The following MMP16 variants were observed in gnomAD, a reference collection of about 807,000 sequenced individuals.
The protein encoded by MMP16 is matrix metalloproteinase-16.
In MMP16, 12 loss-of-function variants were observed where a neutral mutation model predicts 67.8. The ratio of observed to expected loss-of-function variants is 0.18; its 90% CI spans 0.11 to 0.29. The LOEUF (loss-of-function observed/expected upper bound fraction) is 0.29, where lower values mean the gene tolerates loss of function less well. MMP16 is among the 10% of genes least tolerant of loss of function. The pLI, the probability that MMP16 is intolerant of heterozygous loss-of-function variation, is 1.00. For synonymous variants in MMP16, 249 were observed against 255.9 expected (o/e 0.97, Z 0.26); for missense variants, 475 against 765.7 (o/e 0.62, Z 4.48).
intron 2 of MMP16, among the ~76,000 whole-genome samples, chr8:88,189,930 G>A (rs986713407): frequency 8.5e-5 from 13 of 152,224 alleles, no homozygotes; most frequent in African/African-American, 2.2e-4. Context: ...TAGTGAAGTC[G>A]CCAATAAGGA....
At chr8:88,252,684 C>T in intron 1 of MMP16, among the ~76,000 whole-genome samples, 1 of 148,188 alleles carries the variant, frequency 6.7e-6, no homozygotes, top group South Asian at 2.1e-4. Context: ...ACCAAATTAA[C>T]AGACTTGCAG....
chr8:88,137,760 C>G (rs1162673315), intron 4 of MMP16, among the ~76,000 whole-genome samples: 1 of 151,824 alleles, frequency 6.6e-6, no homozygotes, highest in Non-Finnish European at 1.5e-5. Flanking sequence ...ATGCATGTCT[C>G]TACTCATTTT....
intron 1 of MMP16, among the ~76,000 whole-genome samples, chr8:88,204,643 TTTAG>T (rs1299634933): frequency 2.0e-5 from 3 of 152,250 alleles, no homozygotes; most frequent in Admixed American, 1.3e-4. Flanking sequence ...ATTTTAGTGA[TTTAG>T]TTAATGAATA....
intron 6 of MMP16, among the ~76,000 whole-genome samples, chr8:88,101,944 A>G (rs1809152015): frequency 1.3e-5 from 2 of 151,824 alleles, no homozygotes. Context: ...CATTAAAAAC[A>G]TCCAGTCTTG....
chr8:88,297,397 C>T (rs1420140636), intron 1 of MMP16, among the ~76,000 whole-genome samples: 2 of 152,112 alleles, frequency 1.3e-5, no homozygotes, highest in Non-Finnish European at 2.9e-5. Flanking sequence ...GAGAACTGCC[C>T]TTTGTAGGTA....
chr8:88,323,720 G>A (rs1811494899), intron 1 of MMP16, among the ~76,000 whole-genome samples: 1 of 151,406 alleles, frequency 6.6e-6, no homozygotes, highest in African/African-American at 2.4e-5. Context: ...TTGACGATAT[G>A]AGAGGTATTA....
At chr8:88,117,351 A>C (rs1269291750) in intron 5 of MMP16, among the ~76,000 whole-genome samples, 1 of 152,176 alleles carries the variant, frequency 6.6e-6, no homozygotes, top group African/African-American at 2.4e-5. Context: ...ATTTCTCAAA[A>C]GAGGCTTCTA....
intron 5 of MMP16, 103 bp downstream of exon 5, chr8:88,118,597 G>T: frequency 9.4e-7 from 1 of 1,067,704 alleles, no homozygotes; most frequent in Non-Finnish European, 1.4e-6. Flanking sequence ...TTTTTCTGTA[G>T]TCATCTGTGT....
intron 1 of MMP16, among the ~76,000 whole-genome samples, chr8:88,276,476 T>C (rs573342436): frequency 2.0e-5 from 3 of 152,290 alleles, no homozygotes; most frequent in Non-Finnish European, 2.9e-5. Context: ...TTGCTTTGTA[T>C]TTATGCAAAT....
intron 1 of MMP16, among the ~76,000 whole-genome samples, chr8:88,249,964 T>C (rs375712472): frequency 6.6e-6 from 1 of 152,152 alleles, no homozygotes; most frequent in Non-Finnish European, 1.5e-5. Context: ...AATATTTTAC[T>C]TGTTTTATTT....
At chr8:88,101,098 A>T (rs1306739017) in intron 6 of MMP16, among the ~76,000 whole-genome samples, 3 of 151,948 alleles carry the variant, frequency 2.0e-5, no homozygotes, top group African/African-American at 7.2e-5. Flanking sequence ...CGTTGTGCAC[A>T]TGTACCCTAG....
chr8:88,097,210 A>G (rs1026743717), intron 6 of MMP16, among the ~76,000 whole-genome samples: 1 of 151,984 alleles, frequency 6.6e-6, no homozygotes. Flanking sequence ...AATTTAAGTT[A>G]TCTGTAAGAA....
chr8:88,046,814 C>A, intron 8 of MMP16, 30 bp from the exon 9 acceptor site: 2 of 1,327,856 alleles, frequency 1.5e-6, no homozygotes, highest in Non-Finnish European at 2.1e-6. Context: ...CAACAACAAA[C>A]ACAATAACAC....
intron 6 of MMP16, among the ~76,000 whole-genome samples, chr8:88,089,061 A>G (rs575326027): frequency 1.3e-5 from 2 of 152,178 alleles, no homozygotes; most frequent in South Asian, 4.1e-4. Context: ...AAGATAAATA[A>G]AACAAAATTG....
chr8:88,306,608 T>C (rs1811215237), intron 1 of MMP16, among the ~76,000 whole-genome samples: 1 of 152,180 alleles, frequency 6.6e-6, no homozygotes, highest in Non-Finnish European at 1.5e-5. Context: ...ATCCCTGGGA[T>C]GCAAGGTTGG....
Position 88,086,613 on chromosome 8 carries a change from C to A in MMP16, c.1084-11870G>T, listed in dbSNP as rs367797964. 1.8e-4 allele frequency among the ~76,000 whole-genome samples: 28 copies of A among 151,890 alleles called. 2 individuals are homozygous for A. The East Asian group carries it at 4.1e-3, about 22-fold the overall frequency. On this transcript the variant is annotated intron_variant, in intron 6 of 9. Transcript: ENST00000286614. ...GGGAAAACAGTGTATTATTAGCACACCTATCAAGAATTACCATCCTTTTAT... is the reference window on the plus strand; with the variant it reads ...GGGAAAACAGTGTATTATTAGCACAACTATCAAGAATTACCATCCTTTTAT...
intron 1 of MMP16, among the ~76,000 whole-genome samples, chr8:88,224,063 G>C (rs1809729994): frequency 6.6e-6 from 1 of 151,906 alleles, no homozygotes. Context: ...AACTGCATTA[G>C]GTTGCATTGT....
intron 1 of MMP16, among the ~76,000 whole-genome samples, chr8:88,278,856 G>C (rs11986608): frequency 0.036 from 5,425 of 152,118 alleles, 326 homozygotes; most frequent in African/African-American, 0.12. Context: ...TTGTAGATTT[G>C]CATAAATAAC....
intron 3 of MMP16, among the ~76,000 whole-genome samples, chr8:88,175,923 T>A (rs962845939): frequency 3.3e-5 from 5 of 152,340 alleles, no homozygotes; most frequent in South Asian, 2.1e-4. Context: ...CCATGTAAGT[T>A]GTGCCTTTGT....
Sources: gnomAD v4.1 joint callset for allele counts (sites outside exome capture counted in the v4.1 genomes callset) on GRCh38, gnomAD v4.1.1 for gene constraint, MANE v1.5 for transcripts, NCBI Gene and HGNC (gene_info 2026-07-23, HGNC 2026-07-21) for gene names.